SEMA5A: variants seen among roughly 807,000 people sequenced by gnomAD.
SEMA5A encodes semaphorin-5A.
SEMA5A carries 55 observed loss-of-function variants against 135.5 expected under a neutral mutation model. The observed-to-expected ratio is 0.41, with a 90% CI of 0.33 to 0.51. The LOEUF is 0.51. Among genes scored for constraint, SEMA5A ranks in the 20% least tolerant of loss-of-function variants. The pLI is 0.37. For missense variants in SEMA5A, 1,290 were observed against 1,419.9 expected, an observed-to-expected ratio of 0.91 and a Z score of 1.47; for synonymous variants, 580 against 546.5, an observed-to-expected ratio of 1.06 and a Z score of -0.85.
intron 3 of SEMA5A, among the ~76,000 whole-genome samples, chr5:9,373,460 G>C (rs1176573626): frequency 6.6e-6 from 1 of 152,148 alleles, no homozygotes; most frequent in Non-Finnish European, 1.5e-5. Context: ...AGCTGGAGCA[G>C]TCATCTCAAT....
intron 16 of SEMA5A, among the ~76,000 whole-genome samples, chr5:9,095,351 C>T (rs563040829): frequency 6.6e-6 from 1 of 152,158 alleles, no homozygotes; most frequent in East Asian, 1.9e-4. Context: ...ACCTATGTAA[C>T]AAACCTGCAC....
chr5:9,386,473 C>T (rs12653117), intron 2 of SEMA5A, among the ~76,000 whole-genome samples: 21,526 of 152,194 alleles, frequency 0.14, 1,964 homozygotes, highest in East Asian at 0.32. Flanking sequence ...TGGTCCCTCT[C>T]ACCTTGCCAG....
In SEMA5A at chr5:9,044,376, G is replaced by T. The variant is rs1321357058; in HGVS notation, c.3102C>A (p.Ile1034=). 3.7e-6 allele frequency: 6 copies of T among 1,612,234 alleles called. No individual in the cohort carries two copies. The highest frequency in any genetic ancestry group is 3.7e-4 in the Middle Eastern group (2 of 5,400). The change falls in exon 22 of 23, where the codon ATC becomes ATA. Residue 1034 remains isoleucine, a synonymous_variant. Transcript: ENST00000382496. ...KLDKYDSVEA[I]KAFNKNNLIL... The stretch of plus-strand genomic sequence containing the variant: ...AGAAATATTAAAATTCACTTACCTT[G>T]ATGGCCTCCACCGAGTCGTACTTGT...
chr5:9,137,594 T>A (rs1741831008), intron 12 of SEMA5A, among the ~76,000 whole-genome samples: 1 of 151,918 alleles, frequency 6.6e-6, no homozygotes, highest in African/African-American at 2.4e-5. Context: ...AGGAAGCAGA[T>A]GTGAGGAAAG....
In SEMA5A at chr5:9,523,551, G is replaced by A. The variant is rs150719378; in HGVS notation, c.-175+22033C>T. ...CTCAATTGCCATACAAATCTATAAC[G>A]AGGGACAAAGGGAAGGTGACATGAC... On this transcript the variant is annotated intron_variant, in intron 1 of 22. Transcript: ENST00000382496. 2.1e-3 allele frequency among the ~76,000 whole-genome samples: 326 copies of A among 152,164 alleles called. 1 individual carries two copies. The South Asian group carries it at 0.033, about 16-fold the overall frequency.
At chr5:9,358,612 C>T (rs1208922479) in intron 3 of SEMA5A, among the ~76,000 whole-genome samples, 1 of 152,220 alleles carries the variant, frequency 6.6e-6, no homozygotes, top group Non-Finnish European at 1.5e-5. Flanking sequence ...GCAAAGGCTG[C>T]CCTGATGCAG....
At chr5:9,141,058 C>T (rs1258241573) in intron 12 of SEMA5A, among the ~76,000 whole-genome samples, 1 of 152,122 alleles carries the variant, frequency 6.6e-6, no homozygotes, top group African/African-American at 2.4e-5. Context: ...GTTAAAATGT[C>T]TTTACAAACA....
intron 18 of SEMA5A, among the ~76,000 whole-genome samples, chr5:9,060,555 C>T (rs1579320809): frequency 6.6e-6 from 1 of 152,060 alleles, no homozygotes; most frequent in South Asian, 2.1e-4. Flanking sequence ...GAGGAGGACT[C>T]CTTTTACTGG....
At chr5:9,300,502 G>A (rs558197262) in intron 5 of SEMA5A, among the ~76,000 whole-genome samples, 2 of 152,304 alleles carry the variant, frequency 1.3e-5, no homozygotes, top group South Asian at 2.1e-4. Flanking sequence ...GTAGCCTTAT[G>A]TCACCATGGG....
At chr5:9,540,059 C>T (rs918815578) in intron 1 of SEMA5A, among the ~76,000 whole-genome samples, 9 of 152,172 alleles carry the variant, frequency 5.9e-5, no homozygotes, top group Non-Finnish European at 1.3e-4. Context: ...AAGCCTTAGT[C>T]CTTTCTCTCA....
At position 9,352,539 on chromosome 5, in the gene SEMA5A, C is replaced by A. The variant is rs28752039; in HGVS notation, c.125-14727G>T. Among the ~76,000 whole-genome samples the A allele has an allele frequency of 4.9e-3, 744 of 152,310 alleles. 6 individuals carry two copies. Among genetic ancestry groups the A allele is most frequent in the African/African-American group, 0.017 (713 of 41,560 alleles). On this transcript the variant is annotated intron_variant, in intron 3 of 22. Coordinates refer to ENST00000382496, the MANE Select transcript of SEMA5A (RefSeq NM_003966.3). ...TGCTGGAATTACAGGCATGAGCCAC[C>A]ATACCTGGCCCAATTTGATATACCT...
chr5:9,409,854 T>C (rs1468375284), intron 2 of SEMA5A, among the ~76,000 whole-genome samples: 2 of 143,316 alleles, frequency 1.4e-5, no homozygotes, highest in African/African-American at 2.7e-5. Context: ...AAAACGACTT[T>C]GGAAAACTCT....
chr5:9,363,143 G>A (rs1754769682), intron 3 of SEMA5A: 1 of 152,196 alleles, frequency 6.6e-6, no homozygotes, highest in South Asian at 2.1e-4. Flanking sequence ...ATTACTTTGT[G>A]TGGTTATGTG....
chr5:9,298,275 G>A (rs1163326376), intron 5 of SEMA5A, among the ~76,000 whole-genome samples: 1 of 152,190 alleles, frequency 6.6e-6, no homozygotes, highest in East Asian at 1.9e-4. Flanking sequence ...TGGCCAAAAG[G>A]CTTGAGTGGT....
intron 11 of SEMA5A, among the ~76,000 whole-genome samples, chr5:9,182,264 G>A (rs10513010): frequency 0.098 from 14,758 of 151,206 alleles, 890 homozygotes; most frequent in African/African-American, 0.16. Context: ...CTTCTTTTCA[G>A]CAAAGGCCAC....
intron 9 of SEMA5A, among the ~76,000 whole-genome samples, chr5:9,199,416 T>G (rs1211911512): frequency 6.6e-6 from 1 of 152,038 alleles, no homozygotes. Context: ...CTCCTCCCTC[T>G]GCCCTCCCCG....
Position 9,381,181 on chromosome 5 carries a change from C to A in SEMA5A, c.-77-1158G>T, listed in dbSNP as rs1805930. The stretch of plus-strand genomic sequence containing the variant: ...TTATTAATATTAATAAGACCATTAT[C>A]ACAATAGTGTACCTAGGAAACTAGG... On this transcript the variant is annotated intron_variant, in intron 2 of 22. Transcript: ENST00000382496. Among the ~76,000 whole-genome samples, 440 of 152,224 alleles carry A rather than the reference C, an allele frequency of 2.9e-3. 3 individuals are homozygous for A. Among genetic ancestry groups the A allele is most frequent in the African/African-American group, 1.0e-2 (415 of 41,524 alleles).
At chr5:9,188,146 TATAAG>T (rs1435167752) in intron 11 of SEMA5A, among the ~76,000 whole-genome samples, 3 of 152,090 alleles carry the variant, frequency 2.0e-5, no homozygotes, top group African/African-American at 7.2e-5. Context: ...TGAGTGTCCT[TATAAG>T]AAGAGACATA....
chr5:9,110,305 C>G (rs1434552624), intron 15 of SEMA5A, among the ~76,000 whole-genome samples: 3 of 152,166 alleles, frequency 2.0e-5, no homozygotes, highest in African/African-American at 7.2e-5. Flanking sequence ...TTCATCTTGA[C>G]TATTCTCTGG....
Sources: gnomAD v4.1 joint callset for allele counts (sites outside exome capture counted in the v4.1 genomes callset) on GRCh38, gnomAD v4.1.1 for gene constraint, MANE v1.5 for transcripts, NCBI Gene and HGNC (gene_info 2026-07-23, HGNC 2026-07-21) for gene names.